ATXN7L1: variants seen among roughly 807,000 people sequenced by gnomAD.
The protein encoded by ATXN7L1 is ataxin 7 like 1, also known as ataxin-7-like protein 1.
ATXN7L1 carries 15 observed loss-of-function variants against 70.8 expected under a neutral mutation model. The observed-to-expected ratio is 0.21, with a 90% CI of 0.14 to 0.33. The LOEUF is 0.33. Ranked by LOEUF, ATXN7L1 falls within the 10% of genes least tolerant of loss-of-function variation. ATXN7L1 has a pLI of 1.00. For missense variants in ATXN7L1, 975 were observed against 1,097.1 expected, an observed-to-expected ratio of 0.89 and a Z score of 1.57; for synonymous variants, 440 against 445.1, an observed-to-expected ratio of 0.99 and a Z score of 0.14.
intron 4 of ATXN7L1, among the ~76,000 whole-genome samples, chr7:105,660,353 G>A (rs546059141): frequency 1.3e-5 from 2 of 152,038 alleles, no homozygotes; most frequent in African/African-American, 4.8e-5. Context: ...CATAATCTGG[G>A]CCTCACTCCC....
intron 3 of ATXN7L1, among the ~76,000 whole-genome samples, chr7:105,748,980 T>C (rs1798886398): frequency 6.6e-6 from 1 of 152,194 alleles, no homozygotes; most frequent in South Asian, 2.1e-4. Context: ...GAGACAATGC[T>C]TGGGCACCAT....
chr7:105,686,089 T>G (rs1255035488), intron 3 of ATXN7L1, among the ~76,000 whole-genome samples: 1 of 151,794 alleles, frequency 6.6e-6, no homozygotes, highest in Non-Finnish European at 1.5e-5. Context: ...CCATCTAAGG[T>G]TAGTTTCCCA....
intron 4 of ATXN7L1, chr7:105,649,397 C>T (rs951046692): frequency 3.2e-5 from 32 of 987,446 alleles, no homozygotes; most frequent in Middle Eastern, 5.6e-4. Context: ...TACGTGGGGG[C>T]GATATCTACC....
chr7:105,872,278 C>T (rs1026410765), intron 2 of ATXN7L1, among the ~76,000 whole-genome samples: 24 of 152,334 alleles, frequency 1.6e-4, no homozygotes, highest in African/African-American at 5.8e-4. Flanking sequence ...AGGCGTGAGC[C>T]ACCATGCCTG....
intron 3 of ATXN7L1, among the ~76,000 whole-genome samples, chr7:105,671,450 A>G (rs1803669602): frequency 6.6e-6 from 1 of 152,126 alleles, no homozygotes; most frequent in South Asian, 2.1e-4. Flanking sequence ...TATAAGCACC[A>G]CTCACCTACT....
In ATXN7L1 at chr7:105,876,493, C is replaced by T; in HGVS notation, c.66G>A (p.Lys22=). ...SAAAAEGTGK[K]QQEGRAMATL... ...TCGCCATTGCTCTTCCTTCTTGTTG[C>T]TTTTTCCCTGTTCCTTCGGCAGCAG... Residue 22 remains lysine (K), a synonymous_variant, in exon 1 of 12, where the codon AAG becomes AAA. Coordinates refer to ENST00000419735, the MANE Select transcript of ATXN7L1 (RefSeq NM_020725.2). 4.3e-6 allele frequency: 7 copies of T among 1,613,282 alleles called. No homozygotes were observed. The highest frequency in any genetic ancestry group is 5.9e-6 in the Non-Finnish European group (7 of 1,179,584).
intron 3 of ATXN7L1, among the ~76,000 whole-genome samples, chr7:105,704,721 G>A (rs1792930340): frequency 6.8e-6 from 1 of 146,244 alleles, no homozygotes. Context: ...AGTGATTCTT[G>A]TGCCTCAGCC....
At chr7:105,855,991 A>T (rs1029679348) in intron 2 of ATXN7L1, among the ~76,000 whole-genome samples, 6 of 152,222 alleles carry the variant, frequency 3.9e-5, no homozygotes, top group African/African-American at 1.2e-4. Flanking sequence ...GCTGTATATC[A>T]TGTCTCTAGC....
chr7:105,758,614 G>A (rs1800103553), intron 3 of ATXN7L1, among the ~76,000 whole-genome samples: 2 of 152,208 alleles, frequency 1.3e-5, no homozygotes, highest in South Asian at 4.1e-4. Context: ...ACTCTGAAAG[G>A]GGGCCCTCCC....
At chr7:105,859,514 C>T (rs1816242623) in intron 2 of ATXN7L1, among the ~76,000 whole-genome samples, 1 of 151,988 alleles carries the variant, frequency 6.6e-6, no homozygotes, top group South Asian at 2.1e-4. Context: ...TTTTACTGTA[C>T]CTTTTCTATG....
At chr7:105,654,071 G>A (rs1191977664) in intron 4 of ATXN7L1, among the ~76,000 whole-genome samples, 1 of 152,130 alleles carries the variant, frequency 6.6e-6, no homozygotes, top group South Asian at 2.1e-4. Context: ...TATACATGTC[G>A]CTCTGGAATT....
chr7:105,733,506 C>CATCCATCCACCCATCCATCCATT (rs1264531675), intron 3 of ATXN7L1, among the ~76,000 whole-genome samples: 8,790 of 100,052 alleles, frequency 0.088, 1,604 homozygotes, highest in East Asian at 0.23. Context: ...ATCCATCCTT[C>CATCCATCCACCCATCCATCCATT]CATCCATCCA....
At position 105,638,890 on chromosome 7, in the gene ATXN7L1, G is replaced by C. The variant is rs544752747; in HGVS notation, c.946-281C>G. ...ACCCATGAAAACCTCTCTGATGAAA[G>C]GCAACTGCGAGGGAATGCTAGAGTT... On this transcript the variant is annotated intron_variant, in intron 6 of 11. Coordinates refer to ENST00000419735, the MANE Select transcript of ATXN7L1 (RefSeq NM_020725.2). Among the ~76,000 whole-genome samples the C allele has an allele frequency of 3.9e-5, 6 of 152,306 alleles. No homozygotes were observed. The East Asian group carries it at 1.2e-3, about 29-fold the overall frequency.
chr7:105,845,769 A>C (rs909982686), intron 2 of ATXN7L1, among the ~76,000 whole-genome samples: 8 of 152,210 alleles, frequency 5.3e-5, no homozygotes. Flanking sequence ...ACTGATCTTC[A>C]TCAAGAGTTC....
At position 105,727,756 on chromosome 7, in the gene ATXN7L1, A is replaced by G. The variant is rs559135724; in HGVS notation, c.355+60848T>C. 6.9e-3 allele frequency among the ~76,000 whole-genome samples: 597 copies of G among 86,626 alleles called. 34 individuals are homozygous for G. The highest frequency in any genetic ancestry group is 0.025 in the African/African-American group (529 of 21,316). 56.8% of individuals were successfully genotyped at this position (86,626 alleles called of 152,430 possible). A position where few individuals can be genotyped will look rare whatever the true frequency, so the allele number is the denominator to read the frequency against. On this transcript the variant is annotated intron_variant, in intron 3 of 11. Transcript: ENST00000419735. The stretch of plus-strand genomic sequence containing the variant: ...TGTGTGTGTATGTGTGTATATATAT[A>G]TATATATATATATATATATATACAC...
In ATXN7L1 at chr7:105,827,495, T is replaced by C. The variant is rs141976114; in HGVS notation, c.251-38787A>G. 7.3e-3 allele frequency among the ~76,000 whole-genome samples: 1,109 copies of C among 152,328 alleles called. 12 individuals are homozygous for C. Among genetic ancestry groups the C allele is most frequent in the African/African-American group, 0.025 (1,042 of 41,562 alleles). Reference sequence around the variant, plus strand: ...GACCCTTGAACACCATGGGTTTGAATTGCGTGGGTTCACTTATATACCAAA... The same window carrying C: ...GACCCTTGAACACCATGGGTTTGAACTGCGTGGGTTCACTTATATACCAAA... On this transcript the variant is annotated intron_variant, in intron 2 of 11. Coordinates refer to ENST00000419735, the MANE Select transcript of ATXN7L1 (RefSeq NM_020725.2).
intron 2 of ATXN7L1, among the ~76,000 whole-genome samples, chr7:105,832,538 G>A (rs750689181): frequency 7.2e-5 from 11 of 152,128 alleles, no homozygotes; most frequent in Non-Finnish European, 1.0e-4. Flanking sequence ...TTCTGAATTC[G>A]AAAACACACC....
At chr7:105,631,768 A>G (rs1254354426) in intron 7 of ATXN7L1, among the ~76,000 whole-genome samples, 2 of 152,228 alleles carry the variant, frequency 1.3e-5, no homozygotes, top group Non-Finnish European at 2.9e-5. Context: ...CACCTGGCCA[A>G]TGACAATAAA....
chr7:105,797,627 C>G (rs1806188414), intron 2 of ATXN7L1, among the ~76,000 whole-genome samples: 1 of 152,230 alleles, frequency 6.6e-6, no homozygotes, highest in Non-Finnish European at 1.5e-5. Context: ...TGTTTCCACA[C>G]ATGGAATTAG....
Sources: allele counts gnomAD v4.1 joint callset (sites outside exome capture counted in the v4.1 genomes callset), GRCh38; gene constraint gnomAD v4.1.1; transcripts MANE v1.5; gene names NCBI Gene and HGNC (gene_info 2026-07-23, HGNC 2026-07-21).